Variants in GPR63 observed in about 807,000 individuals in gnomAD.
GPR63 encodes the protein G protein-coupled receptor 63.
GPR63 carries 12 observed loss-of-function variants against 23.1 expected under a neutral mutation model. That is an observed-to-expected ratio of 0.52 (90% CI 0.33 to 0.84). The LOEUF (loss-of-function observed/expected upper bound fraction) is 0.84. Among genes scored for constraint, GPR63 ranks in the 40% least tolerant of loss-of-function variants. The pLI is 0.02. For synonymous variants in GPR63, 172 were observed against 191.1 expected, an observed-to-expected ratio of 0.90 and a Z score of 0.82; for missense variants, 472 against 515.6, an observed-to-expected ratio of 0.92 and a Z score of 0.82.
At position 96,836,647 on chromosome 6, in the gene GPR63, AAAG is replaced by A. The variant is rs1221645459; in HGVS notation, c.-151+618_-151+620del. On this transcript the variant is annotated intron_variant, in intron 1 of 1. Coordinates refer to ENST00000229955, the MANE Select transcript of GPR63 (RefSeq NM_030784.4). Reference sequence around the variant, plus strand: ...CCTCCACAACATATTTTATTATTAAAAAGAAGAATGTTTCCGAAAAGGGGCAGA... The same window carrying A: ...CCTCCACAACATATTTTATTATTAAAAAGAATGTTTCCGAAAAGGGGCAGA... Among the ~76,000 whole-genome samples the A allele has an allele frequency of 6.6e-5, 10 of 152,222 alleles. No individual in the cohort carries two copies. The East Asian group carries it at 1.2e-3, about 18-fold the overall frequency.
At chr6:96,812,141 G>C (rs1774061665) in intron 1 of GPR63, among the ~76,000 whole-genome samples, 1 of 151,902 alleles carries the variant, frequency 6.6e-6, no homozygotes, top group Admixed American at 6.6e-5. Context: ...CATCATCATG[G>C]CATCAAAATT....
rs755686043 is a variant in GPR63 at position 96,794,702 on chromosome 6, G to A, written c.*3770C>T. The A allele has an allele frequency of 6.6e-5, 10 of 152,054 alleles. No homozygotes were observed. The highest frequency in any genetic ancestry group is 2.1e-4 in the South Asian group (1 of 4,828). 9.4% of individuals were successfully genotyped at this position (152,054 alleles called of 1,614,324 possible). Reference sequence around the variant, plus strand: ...ATTAGATAAATCTTTACATTCTTCCGGGAATTACACACAATAAAGACAGCT... The same window carrying A: ...ATTAGATAAATCTTTACATTCTTCCAGGAATTACACACAATAAAGACAGCT... On this transcript the variant is annotated 3_prime_UTR_variant, in exon 2 of 2. Coordinates refer to ENST00000229955, the MANE Select transcript of GPR63 (RefSeq NM_030784.4).
At chr6:96,826,488 T>A (rs558507935) in intron 1 of GPR63, among the ~76,000 whole-genome samples, 14 of 152,162 alleles carry the variant, frequency 9.2e-5, no homozygotes, top group Non-Finnish European at 2.1e-4. Flanking sequence ...TATTTTGCTA[T>A]CATATTGTAA....
chr6:96,832,770 A>C (rs983176658), intron 1 of GPR63, among the ~76,000 whole-genome samples: 4 of 150,508 alleles, frequency 2.7e-5, no homozygotes, highest in Non-Finnish European at 4.4e-5. Context: ...ACCTGCACTT[A>C]TACCCCTGAA....
rs765261007 is a variant in GPR63, at chr6:96,799,246, C to G, written c.486G>C (p.Trp162Cys). The change falls in exon 2 of 2, where the codon TGG becomes TGC. Residue 162 changes from tryptophan to cysteine, a missense_variant. Coordinates refer to ENST00000229955, the MANE Select transcript of GPR63 (RefSeq NM_030784.4). ...TGGCTACTCCTTCTATCACAAATAA[C>G]CAGAAAAACATAGCAGATACCCTAC... is the stretch of plus-strand genomic sequence containing the variant. Reference protein sequence around the residue: ...FFCRVSAMFFWLFVIEGVAIL... With the variant: ...FFCRVSAMFFCLFVIEGVAIL... 8.7e-6 allele frequency: 14 copies of G among 1,613,948 alleles called. No individual in the cohort carries two copies. The South Asian group carries it at 1.5e-4, about 18-fold the overall frequency.
intron 1 of GPR63, among the ~76,000 whole-genome samples, chr6:96,820,035 G>T (rs1774273535): frequency 6.6e-6 from 1 of 151,202 alleles, no homozygotes; most frequent in South Asian, 2.1e-4. Flanking sequence ...ACAGTCTGTG[G>T]TACATTCTCC....
Position 96,799,302 on chromosome 6 carries a change from T to G in GPR63, c.430A>C (p.Thr144Pro). ...AATTTCCCAAAAATCCATCGGGTAG[T>G]AAGAATAGTTACCAGGGCAAAGGGC... Reference protein sequence around the residue: ...NMPFALVTILTTRWIFGKFFC... With the variant: ...NMPFALVTILPTRWIFGKFFC... The change falls in exon 2 of 2, where the codon ACT (threonine) becomes CCT (proline). Residue 144 changes from threonine to proline, a missense_variant. Coordinates refer to ENST00000229955, the MANE Select transcript of GPR63 (RefSeq NM_030784.4). 6.8e-6 allele frequency: 11 copies of G among 1,614,072 alleles called. No individual in the cohort carries two copies. Among genetic ancestry groups the G allele is most frequent in the Non-Finnish European group, 9.3e-6 (11 of 1,179,996 alleles).
In GPR63 at chr6:96,799,266, C is replaced by A. The variant is rs374800190; in HGVS notation, c.466G>T (p.Val156Leu). Residue 156 changes from valine (V) to leucine (L), a missense_variant, in exon 2 of 2, where the codon GTA (valine) becomes TTA (leucine). Val to Leu is a conservative substitution (Grantham distance 32, BLOSUM62 1). Transcript: ENST00000229955. ...RWIFGKFFCRVSAMFFWLFVI... is the reference protein window; with the variant it reads ...RWIFGKFFCRLSAMFFWLFVI... Reference sequence around the variant, plus strand: ...AATAACCAGAAAAACATAGCAGATACCCTACAGAAGAATTTCCCAAAAATC... The same window carrying A: ...AATAACCAGAAAAACATAGCAGATAACCTACAGAAGAATTTCCCAAAAATC... The A allele has an allele frequency of 7.4e-6, 12 of 1,614,086 alleles. 1 individual carries two copies. Among genetic ancestry groups the A allele is most frequent in the East Asian group, 6.7e-5 (3 of 44,876 alleles).
chr6:96,803,068 C>A (rs1018354794), intron 1 of GPR63, among the ~76,000 whole-genome samples: 6 of 152,170 alleles, frequency 3.9e-5, no homozygotes, highest in Admixed American at 1.3e-4. Context: ...TGTGGCACAA[C>A]TGAACCTGAC....
At chr6:96,833,076 C>G (rs1351801651) in intron 1 of GPR63, among the ~76,000 whole-genome samples, 1 of 152,142 alleles carries the variant, frequency 6.6e-6, no homozygotes, top group Non-Finnish European at 1.5e-5. Flanking sequence ...TAGAAGGTAT[C>G]GTGGTTTATG....
intron 1 of GPR63, among the ~76,000 whole-genome samples, chr6:96,831,430 T>C (rs998720308): frequency 1.3e-5 from 2 of 149,810 alleles, no homozygotes; most frequent in African/African-American, 4.9e-5. Context: ...CATATTACAC[T>C]TACCAAAAAA....
chr6:96,808,084 A>G (rs923493443), intron 1 of GPR63, among the ~76,000 whole-genome samples: 4 of 152,212 alleles, frequency 2.6e-5, no homozygotes, highest in African/African-American at 9.6e-5. Context: ...TTTCTTTTAC[A>G]TATCACATGT....
intron 1 of GPR63, among the ~76,000 whole-genome samples, chr6:96,817,639 T>C (rs1484645611): frequency 6.6e-6 from 1 of 152,188 alleles, no homozygotes; most frequent in Non-Finnish European, 1.5e-5. Flanking sequence ...TATATTCATA[T>C]AATCAAATAC....
In GPR63 at chr6:96,794,297, C is replaced by A. The variant is rs1773526822; in HGVS notation, c.*4175G>T. The A allele has an allele frequency of 6.6e-6, 1 of 151,640 alleles. No individual in the cohort carries two copies. Among genetic ancestry groups the A allele is most frequent in the Non-Finnish European group, 1.5e-5 (1 of 67,938 alleles). 9.4% of individuals were successfully genotyped at this position (151,640 alleles called of 1,614,324 possible). A position where few individuals can be genotyped will look rare whatever the true frequency, so the allele number is the denominator to read the frequency against. ...TTGTAAAATAAATTAATTTTAATTACAAAGGTCTAGTACCAATAGATATCT... is the reference window on the plus strand; with the variant it reads ...TTGTAAAATAAATTAATTTTAATTAAAAAGGTCTAGTACCAATAGATATCT... On this transcript the variant is annotated 3_prime_UTR_variant, in exon 2 of 2. Coordinates refer to ENST00000229955, the MANE Select transcript of GPR63 (RefSeq NM_030784.4).
chr6:96,816,213 C>G (rs1774159727), intron 1 of GPR63, among the ~76,000 whole-genome samples: 2 of 152,104 alleles, frequency 1.3e-5, no homozygotes, highest in South Asian at 4.1e-4. Context: ...AAACAGTGTT[C>G]AGTCTCATTC....
At chr6:96,822,183 G>A (rs1237149870) in intron 1 of GPR63, among the ~76,000 whole-genome samples, 4 of 152,164 alleles carry the variant, frequency 2.6e-5, no homozygotes, top group African/African-American at 9.6e-5. Context: ...TGTCATGAGT[G>A]GGAAACCAGA....
intron 1 of GPR63, among the ~76,000 whole-genome samples, chr6:96,805,691 G>T (rs745647484): frequency 9.9e-5 from 15 of 152,152 alleles, no homozygotes; most frequent in Non-Finnish European, 2.2e-4. Flanking sequence ...TGGAGCAAGG[G>T]TATAATGGTA....
intron 1 of GPR63, among the ~76,000 whole-genome samples, chr6:96,834,415 T>C (rs1774668372): frequency 6.6e-6 from 1 of 152,166 alleles, no homozygotes. Flanking sequence ...TCACATCAGC[T>C]CTTAAGATCT....
At chr6:96,805,148 T>C (rs113190554) in intron 1 of GPR63, among the ~76,000 whole-genome samples, 1,946 of 152,242 alleles carry the variant, frequency 0.013, 16 homozygotes, top group Non-Finnish European at 0.019. Flanking sequence ...GTGCAATTTA[T>C]AAGGAACAGA....
Sources: gnomAD v4.1 joint callset for allele counts (sites outside exome capture counted in the v4.1 genomes callset) on GRCh38, gnomAD v4.1.1 for gene constraint, MANE v1.5 for transcripts, NCBI Gene and HGNC (gene_info 2026-07-23, HGNC 2026-07-21) for gene names.